EPB41L4A: variants seen among roughly 807,000 people sequenced by gnomAD.
EPB41L4A encodes the protein band 4.1-like protein 4A.
In EPB41L4A, 100 loss-of-function variants were observed where a neutral mutation model predicts 108.6. The ratio of observed to expected loss-of-function variants is 0.92; its 90% CI spans 0.78 to 1.09. EPB41L4A has a LOEUF of 1.09. EPB41L4A is among the 50% of genes least tolerant of loss of function. The pLI, the probability that EPB41L4A is intolerant of heterozygous loss-of-function variation, is 0.00. For synonymous variants in EPB41L4A, 319 were observed against 289.0 expected, an observed-to-expected ratio of 1.10 and a Z score of -1.05; for missense variants, 1,030 against 842.7, an observed-to-expected ratio of 1.22 and a Z score of -2.75.
intron 7 of EPB41L4A, 37 bp downstream of exon 7, chr5:112,262,457 A>G: frequency 6.4e-7 from 1 of 1,560,224 alleles, no homozygotes. Flanking sequence ...AAATGTCATC[A>G]GCTTAAAATA....
intron 1 of EPB41L4A, among the ~76,000 whole-genome samples, chr5:112,374,935 G>T (rs906922719): frequency 6.6e-6 from 1 of 152,136 alleles, no homozygotes; most frequent in Non-Finnish European, 1.5e-5. Context: ...AAAACCACAA[G>T]GTGATGTTCA....
At chr5:112,261,237 C>A (rs1202546097) in intron 7 of EPB41L4A, among the ~76,000 whole-genome samples, 3 of 152,142 alleles carry the variant, frequency 2.0e-5, no homozygotes, top group Non-Finnish European at 4.4e-5. Context: ...TTTATTGCCA[C>A]ATTAAACAGG....
chr5:112,191,421 G>T (rs976791174), intron 17 of EPB41L4A, among the ~76,000 whole-genome samples: 48 of 152,294 alleles, frequency 3.2e-4, no homozygotes, highest in African/African-American at 1.1e-3. Flanking sequence ...TCTAACATTA[G>T]CCTTCCAGAG....
chr5:112,258,273 C>A lies in EPB41L4A; in HGVS notation c.795+956G>T, dbSNP rs13176791. Among the ~76,000 whole-genome samples the A allele has an allele frequency of 3.3e-3, 500 of 152,304 alleles. 1 individual carries two copies. The highest frequency in any genetic ancestry group is 6.3e-3 in the Non-Finnish European group (431 of 68,026). On this transcript the variant is annotated intron_variant, in intron 9 of 22. Transcript: ENST00000261486. ...CATTCAACAGATACTTATGAAGTAC[C>A]TACTACATGTGAGGCACTCTGCCAA...
rs568653346 is a variant in EPB41L4A at position 112,285,708 on chromosome 5, T to C, written c.205-5385A>G. ...GGACCATGTGGCTTCTCATAAAGTG[T>C]CACTGGCCCTGGGAATATTCCTCAT... On this transcript the variant is annotated intron_variant, in intron 2 of 22. Transcript: ENST00000261486. Among the ~76,000 whole-genome samples, 5 of 152,296 alleles carry C rather than the reference T, an allele frequency of 3.3e-5. No individual in the cohort carries two copies. The South Asian group carries it at 1.0e-3, about 32-fold the overall frequency.
intron 11 of EPB41L4A, among the ~76,000 whole-genome samples, chr5:112,235,892 G>A (rs1749298218): frequency 6.6e-6 from 1 of 152,146 alleles, no homozygotes; most frequent in Non-Finnish European, 1.5e-5. Flanking sequence ...CAAACTGACA[G>A]ATTTTCTTTT....
At chr5:112,274,432 A>C (rs149992539) in intron 4 of EPB41L4A, among the ~76,000 whole-genome samples, 11 of 152,340 alleles carry the variant, frequency 7.2e-5, no homozygotes, top group African/African-American at 2.6e-4. Context: ...GGGATGAAAA[A>C]GGTCCAATTA....
At chr5:112,333,659 G>A (rs1487544497) in intron 1 of EPB41L4A, among the ~76,000 whole-genome samples, 1 of 151,938 alleles carries the variant, frequency 6.6e-6, no homozygotes, top group Non-Finnish European at 1.5e-5. Context: ...ATGAGTTGCA[G>A]TCTCTCTCTC....
intron 1 of EPB41L4A, among the ~76,000 whole-genome samples, chr5:112,340,705 G>A (rs772787868): frequency 1.3e-4 from 19 of 151,936 alleles, no homozygotes; most frequent in Non-Finnish European, 1.8e-4. Context: ...CTACATGTAC[G>A]TTTCTGCCAA....
chr5:112,360,061 A>G (rs1228274505), intron 1 of EPB41L4A, among the ~76,000 whole-genome samples: 1 of 152,214 alleles, frequency 6.6e-6, no homozygotes, highest in African/African-American at 2.4e-5. Context: ...AAAAGTAACT[A>G]TCAGGCCAAG....
intron 1 of EPB41L4A, among the ~76,000 whole-genome samples, chr5:112,361,082 G>C (rs1400382902): frequency 6.6e-6 from 1 of 152,188 alleles, no homozygotes; most frequent in Non-Finnish European, 1.5e-5. Flanking sequence ...ATAGAAAGGG[G>C]GGAAGTGTGG....
At chr5:112,349,413 T>C (rs1757894315) in intron 1 of EPB41L4A, among the ~76,000 whole-genome samples, 1 of 151,724 alleles carries the variant, frequency 6.6e-6, no homozygotes. Context: ...GTGCAAAGAG[T>C]TTGTGCAGCA....
chr5:112,259,433 G>A, intron 8 of EPB41L4A, 141 bp from the exon 9 acceptor site: 2 of 673,076 alleles, frequency 3.0e-6, no homozygotes, highest in Middle Eastern at 2.5e-4. Context: ...CAGCGACAGA[G>A]AGATTTCCCC....
intron 18 of EPB41L4A, among the ~76,000 whole-genome samples, chr5:112,181,799 G>A (rs1016563955): frequency 6.6e-5 from 10 of 152,156 alleles, no homozygotes; most frequent in East Asian, 3.9e-4. Context: ...TGGACCAGGC[G>A]CAGTGGTGCA....
At chr5:112,285,688 A>G (rs967164355) in intron 2 of EPB41L4A, among the ~76,000 whole-genome samples, 4 of 152,150 alleles carry the variant, frequency 2.6e-5, no homozygotes, top group African/African-American at 9.7e-5. Context: ...CTGATGGACC[A>G]TGTGGCTTCT....
intron 1 of EPB41L4A, among the ~76,000 whole-genome samples, chr5:112,308,022 T>C (rs964466829): frequency 6.6e-6 from 1 of 152,200 alleles, no homozygotes; most frequent in Non-Finnish European, 1.5e-5. Context: ...CCTGTGAAGA[T>C]ATTTCACTTT....
At chr5:112,266,744 C>G (rs558652265) in intron 4 of EPB41L4A, among the ~76,000 whole-genome samples, 29 of 152,330 alleles carry the variant, frequency 1.9e-4, no homozygotes, top group African/African-American at 7.0e-4. Flanking sequence ...ACAACATGCT[C>G]TTACTGGGAG....
At chr5:112,357,816 A>G (rs1758458249) in intron 1 of EPB41L4A, among the ~76,000 whole-genome samples, 1 of 152,230 alleles carries the variant, frequency 6.6e-6, no homozygotes, top group Non-Finnish European at 1.5e-5. Flanking sequence ...GGGAAGAGCT[A>G]TGTGGATGGA....
chr5:112,226,982 A>AC (rs2150348667), intron 12 of EPB41L4A, among the ~76,000 whole-genome samples: 1 of 29,498 alleles, frequency 3.4e-5, no homozygotes, highest in Non-Finnish European at 1.7e-4. Context: ...TACCACAATG[A>AC]AAAAAAAAAA....
Sources: gnomAD v4.1 joint callset for allele counts (sites outside exome capture counted in the v4.1 genomes callset) on GRCh38, gnomAD v4.1.1 for gene constraint, MANE v1.5 for transcripts, NCBI Gene and HGNC (gene_info 2026-07-23, HGNC 2026-07-21) for gene names.